Variants in CRTAC1 observed in about 807,000 individuals in gnomAD.
CRTAC1 encodes the protein acidic secreted protein in cartilage.
A neutral mutation model predicts 67.8 loss-of-function variants in CRTAC1; 37 were observed. That is an observed-to-expected ratio of 0.55 (90% CI 0.42 to 0.72). The LOEUF is 0.72. Among genes scored for constraint, CRTAC1 ranks in the 30% least tolerant of loss-of-function variants. CRTAC1 has a pLI of 0.00. For synonymous variants in CRTAC1, 348 were observed against 371.0 expected (o/e 0.94, Z 0.71); for missense variants, 780 against 931.6 (o/e 0.84, Z 2.12).
intron 1 of CRTAC1, among the ~76,000 whole-genome samples, chr10:98,017,397 C>G (rs779679808): frequency 6.6e-6 from 1 of 152,056 alleles, no homozygotes. Context: ...AGGGCCAGAG[C>G]GCAGGGTGCC....
chr10:97,951,672 C>T (rs2051358176), intron 2 of CRTAC1, among the ~76,000 whole-genome samples: 1 of 152,184 alleles, frequency 6.6e-6, no homozygotes, highest in South Asian at 2.1e-4. Flanking sequence ...TTAAGATAAA[C>T]AGTTATTTTA....
At chr10:97,883,703 G>A (rs1040709947) in intron 12 of CRTAC1, among the ~76,000 whole-genome samples, 1 of 152,076 alleles carries the variant, frequency 6.6e-6, no homozygotes, top group Non-Finnish European at 1.5e-5. Context: ...CCTGTTAATC[G>A]CCACCAAGTG....
chr10:97,973,973 CAAA>C (rs552987541), intron 2 of CRTAC1, among the ~76,000 whole-genome samples: 10 of 68,900 alleles, frequency 1.5e-4, no homozygotes, highest in African/African-American at 2.6e-4. Context: ...GATCCCATAC[CAAA>C]AAAAAAAAAA....
At chr10:97,880,650 G>C (rs1369113631) in intron 13 of CRTAC1, among the ~76,000 whole-genome samples, 1 of 152,096 alleles carries the variant, frequency 6.6e-6, no homozygotes, top group Non-Finnish European at 1.5e-5. Flanking sequence ...TTCATGCATG[G>C]ATGATTCCGA....
chr10:97,977,659 G>A (rs2051829100), intron 2 of CRTAC1, among the ~76,000 whole-genome samples: 1 of 152,118 alleles, frequency 6.6e-6, no homozygotes, highest in Non-Finnish European at 1.5e-5. Flanking sequence ...GACCCAGAGA[G>A]GAACAAGATC....
chr10:97,879,885 T>G, intron 14 of CRTAC1: 1 of 1,224,004 alleles, frequency 8.2e-7, no homozygotes, highest in Non-Finnish European at 1.1e-6. Context: ...GGAAGGAGTT[T>G]GGGAAGAAGA....
chr10:97,887,072 G>A (rs1014227485), intron 11 of CRTAC1, among the ~76,000 whole-genome samples: 1 of 151,956 alleles, frequency 6.6e-6, no homozygotes, highest in Admixed American at 6.6e-5. Context: ...ATTAAAAGAA[G>A]GAGACAAAGA....
chr10:97,880,963 G>A (rs1200851544), intron 13 of CRTAC1, among the ~76,000 whole-genome samples: 4 of 152,000 alleles, frequency 2.6e-5, no homozygotes, highest in African/African-American at 4.8e-5. Context: ...ACTCTGCCCC[G>A]CAGTCCACCA....
chr10:97,891,576 C>A (rs983291371), intron 11 of CRTAC1, among the ~76,000 whole-genome samples: 1 of 152,264 alleles, frequency 6.6e-6, no homozygotes, highest in Non-Finnish European at 1.5e-5. Flanking sequence ...CTGCCTTCCT[C>A]CGCCCACTGC....
At chr10:97,967,002 C>T (rs1026834199) in intron 2 of CRTAC1, among the ~76,000 whole-genome samples, 28 of 150,468 alleles carry the variant, frequency 1.9e-4, no homozygotes, top group African/African-American at 5.4e-4. Context: ...CACCCCCCCC[C>T]CCCCGACATC....
intron 1 of CRTAC1, among the ~76,000 whole-genome samples, chr10:98,022,637 G>A (rs1843147381): frequency 6.6e-6 from 1 of 151,860 alleles, no homozygotes; most frequent in Admixed American, 6.6e-5. Context: ...AAGAGGGGAG[G>A]GTGGGGACAA....
intron 2 of CRTAC1, among the ~76,000 whole-genome samples, chr10:97,950,498 C>G (rs1345606724): frequency 2.6e-5 from 4 of 152,140 alleles, no homozygotes; most frequent in African/African-American, 4.8e-5. Context: ...GGGCACAGGA[C>G]TAGAGATGTG....
intron 1 of CRTAC1, among the ~76,000 whole-genome samples, chr10:98,028,250 G>A (rs1303632768): frequency 1.3e-5 from 2 of 152,210 alleles, no homozygotes; most frequent in Middle Eastern, 3.2e-3. Flanking sequence ...TTCCAAGTAC[G>A]ATGGTGGTGG....
intron 14 of CRTAC1, among the ~76,000 whole-genome samples, chr10:97,878,942 T>G (rs1026167053): frequency 4.6e-5 from 7 of 152,180 alleles, no homozygotes; most frequent in Non-Finnish European, 2.9e-5. Context: ...TGAACATTGT[T>G]GTACGCAACC....
intron 2 of CRTAC1, among the ~76,000 whole-genome samples, chr10:97,993,369 G>A (rs1401477321): frequency 6.6e-6 from 1 of 152,216 alleles, no homozygotes; most frequent in Non-Finnish European, 1.5e-5. Context: ...GTGTTTATAA[G>A]AGGCTAGAAT....
At chr10:97,926,744 A>G (rs756666739) in intron 3 of CRTAC1, among the ~76,000 whole-genome samples, 17 of 152,232 alleles carry the variant, frequency 1.1e-4, no homozygotes, top group Non-Finnish European at 2.2e-4. Flanking sequence ...TAAAAAATGC[A>G]CTTGAAGTGT....
chr10:98,027,956 A>G lies in CRTAC1; in HGVS notation c.24+2493T>C, dbSNP rs181782597. ...TGTGACCTTGGCTTTATCCAGCTTC[A>G]GTTTTCTCATCTGTAAATTAAATGT... On this transcript the variant is annotated intron_variant, in intron 1 of 14. Transcript: ENST00000370597. Among the ~76,000 whole-genome samples the G allele has an allele frequency of 2.1e-3, 314 of 152,280 alleles. 2 individuals carry two copies. The highest frequency in any genetic ancestry group is 7.2e-3 in the African/African-American group (297 of 41,534).
rs567498626 is a variant in CRTAC1 at position 97,901,513 on chromosome 10, G to A, written c.1123C>T (p.Arg375Cys). ...NIAYRSSSAN[R>C]LFRVIRREHG... The stretch of plus-strand genomic sequence containing the variant: ...GGATGGAGCATCTACCGGAAGAGGC[G>A]GTTGGCTGAGGAGCTGCGGTAGGCA... The change falls in exon 8 of 15, where the codon CGC becomes TGC. Residue 375 changes from arginine to cysteine, a missense_variant. By Grantham distance (180) the Arg-to-Cys change is radical. Coordinates refer to ENST00000370597, the MANE Select transcript of CRTAC1 (RefSeq NM_018058.7). 2.0e-5 allele frequency: 33 copies of A among 1,614,162 alleles called. No individual in the cohort carries two copies. In the East Asian group the frequency reaches 4.7e-4, roughly 23 times the overall value.
chr10:97,947,805 C>T (rs2051287707), intron 2 of CRTAC1, among the ~76,000 whole-genome samples: 2 of 152,088 alleles, frequency 1.3e-5, no homozygotes, highest in Admixed American at 1.3e-4. Flanking sequence ...TGTAATCTAA[C>T]ACTTTGGGAA....
Sources: allele counts gnomAD v4.1 joint callset (sites outside exome capture counted in the v4.1 genomes callset), GRCh38; gene constraint gnomAD v4.1.1; transcripts MANE v1.5; gene names NCBI Gene and HGNC (gene_info 2026-07-23, HGNC 2026-07-21).